Variants in NRG3 observed in about 807,000 individuals in gnomAD.
The protein encoded by NRG3 is pro-neuregulin-3, membrane-bound isoform.
Under a neutral mutation model 66.9 loss-of-function variants are expected in NRG3, and 31 were observed. The observed-to-expected ratio is 0.46, with a 90% confidence interval of 0.35 to 0.63. The LOEUF is 0.63. Ranked by LOEUF, NRG3 falls within the 20% of genes least tolerant of loss-of-function variation. The pLI is 0.00. For synonymous variants in NRG3, 393 were observed against 359.4 expected, an observed-to-expected ratio of 1.09 and a Z score of -1.06; for missense variants, 910 against 878.9, an observed-to-expected ratio of 1.04 and a Z score of -0.45.
intron 1 of NRG3, among the ~76,000 whole-genome samples, chr10:82,329,080 G>C (rs141386418): frequency 1.3e-5 from 2 of 152,260 alleles, no homozygotes; most frequent in Middle Eastern, 6.8e-3. Flanking sequence ...CTGGACAGCC[G>C]AGGGCCATGT....
intron 2 of NRG3, among the ~76,000 whole-genome samples, chr10:82,599,335 T>C (rs1464034698): frequency 4.6e-5 from 7 of 152,174 alleles, no homozygotes; most frequent in African/African-American, 1.4e-4. Context: ...TGAGGCTCTT[T>C]TCTTAGTCAT....
At chr10:82,875,425 G>A (rs867908686) in intron 4 of NRG3, among the ~76,000 whole-genome samples, 12 of 152,176 alleles carry the variant, frequency 7.9e-5, no homozygotes, top group Middle Eastern at 3.4e-3. Context: ...TGGTGTAATC[G>A]TGGCTCATTG....
At chr10:82,226,636 C>T (rs1219348035) in intron 1 of NRG3, among the ~76,000 whole-genome samples, 2 of 152,140 alleles carry the variant, frequency 1.3e-5, no homozygotes, top group Non-Finnish European at 2.9e-5. Flanking sequence ...GTTCTTAACA[C>T]ACTTCAGGCA....
intron 2 of NRG3, among the ~76,000 whole-genome samples, chr10:82,642,938 T>C (rs1420626245): frequency 6.6e-6 from 1 of 151,962 alleles, no homozygotes; most frequent in African/African-American, 2.4e-5. Context: ...CTTATAGAAA[T>C]AGATCCTGAA....
chr10:82,888,828 G>T (rs1842921719), intron 4 of NRG3, among the ~76,000 whole-genome samples: 1 of 152,040 alleles, frequency 6.6e-6, no homozygotes, highest in Admixed American at 6.6e-5. Context: ...CAGGGAGCCA[G>T]GGAAGGCCTC....
At chr10:82,322,347 T>C (rs2081621847) in intron 1 of NRG3, among the ~76,000 whole-genome samples, 1 of 152,150 alleles carries the variant, frequency 6.6e-6, no homozygotes, top group African/African-American at 2.4e-5. Context: ...GGATGTGTGG[T>C]TGACTCCAGG....
At chr10:82,107,450 T>G (rs1233850109) in intron 1 of NRG3, among the ~76,000 whole-genome samples, 1 of 152,194 alleles carries the variant, frequency 6.6e-6, no homozygotes, top group Admixed American at 6.5e-5. Flanking sequence ...CACATGTCAC[T>G]TAGAAAGCAT....
chr10:81,899,918 T>C (rs1438951875), intron 1 of NRG3, among the ~76,000 whole-genome samples: 4 of 152,050 alleles, frequency 2.6e-5, no homozygotes, highest in African/African-American at 7.2e-5. Context: ...GGGAGGAGAA[T>C]CTGCTGTGTG....
chr10:82,369,622 A>G (rs1159559514), intron 2 of NRG3, among the ~76,000 whole-genome samples: 1 of 138,766 alleles, frequency 7.2e-6, no homozygotes, highest in African/African-American at 3.3e-5. Flanking sequence ...CTTTTCAGGC[A>G]TAATGGGAAA....
At chr10:81,999,141 C>T (rs2133654220) in intron 1 of NRG3, among the ~76,000 whole-genome samples, 1 of 152,220 alleles carries the variant, frequency 6.6e-6, no homozygotes, top group Admixed American at 6.5e-5. Context: ...TTTTAGATTC[C>T]AAAAATATTT....
intron 2 of NRG3, among the ~76,000 whole-genome samples, chr10:82,507,579 T>C (rs1196392150): frequency 1.3e-5 from 2 of 152,154 alleles, no homozygotes; most frequent in East Asian, 3.9e-4. Flanking sequence ...CTGACTCTGC[T>C]AAACACAGCA....
intron 4 of NRG3, among the ~76,000 whole-genome samples, chr10:82,923,838 T>A (rs768720789): frequency 3.1e-4 from 47 of 151,744 alleles, no homozygotes; most frequent in Admixed American, 1.2e-3. Context: ...TTGTTAAAGG[T>A]AGAGAGAGGG....
chr10:82,301,990 G>T (rs1160478955), intron 1 of NRG3, among the ~76,000 whole-genome samples: 10 of 151,504 alleles, frequency 6.6e-5, no homozygotes, highest in Admixed American at 5.9e-4. Flanking sequence ...TTAGAGAAAA[G>T]GTGGCAATAT....
At chr10:81,999,229 A>C (rs2061069338) in intron 1 of NRG3, among the ~76,000 whole-genome samples, 1 of 152,232 alleles carries the variant, frequency 6.6e-6, no homozygotes. Context: ...TTATTTTTTA[A>C]AACATGTTCT....
At chr10:82,830,916 G>A (rs2062486633) in intron 3 of NRG3, among the ~76,000 whole-genome samples, 2 of 152,086 alleles carry the variant, frequency 1.3e-5, no homozygotes, top group South Asian at 4.2e-4. Flanking sequence ...TTACAAATAG[G>A]CAGGTCCCTG....
chr10:82,549,776 C>G (rs2044179373), intron 2 of NRG3, among the ~76,000 whole-genome samples: 1 of 152,118 alleles, frequency 6.6e-6, no homozygotes, highest in Non-Finnish European at 1.5e-5. Context: ...TTTATAACAT[C>G]AGTGGAGTTA....
intron 2 of NRG3, among the ~76,000 whole-genome samples, chr10:82,442,784 ATTTTTTTTTTTTTT>A (rs61261285): frequency 5.0e-4 from 27 of 54,274 alleles, no homozygotes; most frequent in African/African-American, 1.6e-3. Flanking sequence ...TTCTGTGTGG[ATTTTTTTTTTTTTT>A]TTTTTTTTTT....
At chr10:82,079,431 C>T (rs892568645) in intron 1 of NRG3, among the ~76,000 whole-genome samples, 5 of 152,170 alleles carry the variant, frequency 3.3e-5, no homozygotes, top group Admixed American at 2.0e-4. Context: ...CACACATGCA[C>T]CACCTTCCAC....
intron 2 of NRG3, among the ~76,000 whole-genome samples, chr10:82,456,596 T>C (rs985820248): frequency 6.6e-6 from 1 of 152,190 alleles, no homozygotes; most frequent in African/African-American, 2.4e-5. Context: ...CCATCATATA[T>C]GCCAGTTCCT....
Sources: gnomAD v4.1 joint callset for allele counts (sites outside exome capture counted in the v4.1 genomes callset) on GRCh38, gnomAD v4.1.1 for gene constraint, MANE v1.5 for transcripts, NCBI Gene and HGNC (gene_info 2026-07-23, HGNC 2026-07-21) for gene names.